Variants in FBN1 observed in about 807,000 individuals in gnomAD.
FBN1 encodes the protein fibrillin-1.
Under a neutral mutation model 365.1 loss-of-function variants are expected in FBN1, and 29 were observed. That is an observed-to-expected ratio of 0.08 (90% CI 0.06 to 0.11). The LOEUF is 0.11. Ranked by LOEUF, FBN1 falls within the 10% of genes least tolerant of loss-of-function variation. The pLI, the probability that FBN1 is intolerant of heterozygous loss-of-function variation, is 1.00. For synonymous variants in FBN1, 1,210 were observed against 1,270.5 expected (o/e 0.95, Z 1.01); for missense variants, 2,476 against 3,703.2 (o/e 0.67, Z 8.60).
intron 2 of FBN1, among the ~76,000 whole-genome samples, chr15:48,636,998 C>A (rs1890106248): frequency 6.6e-6 from 1 of 152,192 alleles, no homozygotes. Flanking sequence ...TTTATTTTCT[C>A]TTTATGGTGC....
intron 60 of FBN1, among the ~76,000 whole-genome samples, chr15:48,423,705 G>A (rs767955375): frequency 7.2e-5 from 11 of 152,194 alleles, no homozygotes; most frequent in Non-Finnish European, 1.5e-4. Context: ...CACTGGGGAT[G>A]TGCTGCTCCC....
intron 2 of FBN1, among the ~76,000 whole-genome samples, chr15:48,628,908 GA>G (rs71853717): frequency 4.0e-5 from 6 of 151,894 alleles, no homozygotes; most frequent in Non-Finnish European, 7.4e-5. Context: ...AAGTCTTCTT[GA>G]AAAAAAAGTT....
intron 41 of FBN1, among the ~76,000 whole-genome samples, chr15:48,463,592 C>T (rs1314780474): frequency 1.3e-5 from 2 of 152,330 alleles, no homozygotes; most frequent in Non-Finnish European, 1.5e-5. Flanking sequence ...TGTTTTAATA[C>T]TGTAGGTCAG....
At chr15:48,479,203 A>C (rs896636751) in intron 32 of FBN1, among the ~76,000 whole-genome samples, 2 of 152,222 alleles carry the variant, frequency 1.3e-5, no homozygotes, top group African/African-American at 4.8e-5. Flanking sequence ...AAGCAGCTAA[A>C]AGAGCCTTAG....
chr15:48,640,870 A>T (rs1890185515), intron 2 of FBN1: 3 of 152,124 alleles, frequency 2.0e-5, no homozygotes, highest in Admixed American at 1.3e-4. Flanking sequence ...ATGGTGCATA[A>T]CTATTGCTAT....
intron 24 of FBN1, 88 bp from the exon 25 acceptor site, chr15:48,490,166 A>G (rs1275315431): frequency 1.8e-6 from 2 of 1,095,534 alleles, no homozygotes; most frequent in Non-Finnish European, 2.8e-6. Flanking sequence ...AAAATACTGC[A>G]CACATAATAA....
intron 62 of FBN1, 114 bp downstream of exon 62, chr15:48,421,444 C>T: frequency 7.7e-7 from 1 of 1,300,508 alleles, no homozygotes; most frequent in Non-Finnish European, 1.1e-6. Context: ...GCTGAGTGCC[C>T]CCCTGGGCTC....
At chr15:48,470,112 T>C (rs1044371624) in intron 36 of FBN1, among the ~76,000 whole-genome samples, 5 of 152,080 alleles carry the variant, frequency 3.3e-5, no homozygotes, top group African/African-American at 1.2e-4. Flanking sequence ...CTGTAGTTTT[T>C]CTAAGCTTTT....
chr15:48,526,008 A>T (rs1160958591), intron 9 of FBN1, 122 bp downstream of exon 9: 1 of 1,371,964 alleles, frequency 7.3e-7, no homozygotes, highest in Non-Finnish European at 1.0e-6. Flanking sequence ...ACATTTTTCC[A>T]AAAATGTACA....
intron 4 of FBN1, among the ~76,000 whole-genome samples, chr15:48,608,411 G>T (rs2044630389): frequency 6.6e-6 from 1 of 152,162 alleles, no homozygotes; most frequent in Admixed American, 6.5e-5. Flanking sequence ...TAGCAGGAAA[G>T]TTAGCAAAGT....
At chr15:48,628,011 G>A (rs934790251) in intron 2 of FBN1, among the ~76,000 whole-genome samples, 3 of 152,138 alleles carry the variant, frequency 2.0e-5, no homozygotes, top group Non-Finnish European at 4.4e-5. Context: ...ACCCACTGAC[G>A]AAAAAGCAGT....
At chr15:48,446,608 A>G (rs1223887624) in intron 47 of FBN1, 98 bp downstream of exon 47, 1 of 806,466 alleles carries the variant, frequency 1.2e-6, no homozygotes, top group Non-Finnish European at 2.2e-6. Context: ...GATAGCATAC[A>G]TTTTTAAAAG....
intron 9 of FBN1, among the ~76,000 whole-genome samples, chr15:48,522,703 G>A (rs2043869588): frequency 6.6e-6 from 1 of 152,046 alleles, no homozygotes; most frequent in South Asian, 2.1e-4. Context: ...TAAAAACAAG[G>A]CTAATTTAGA....
At chr15:48,592,692 G>T (rs1239341014) in intron 6 of FBN1, among the ~76,000 whole-genome samples, 1 of 152,096 alleles carries the variant, frequency 6.6e-6, no homozygotes, top group East Asian at 1.9e-4. Flanking sequence ...GAAACTTGTG[G>T]TTAAAAAAAA....
At chr15:48,454,640 GTTGGCCC>G (rs1345970864) in intron 44 of FBN1, among the ~76,000 whole-genome samples, 1 of 152,208 alleles carries the variant, frequency 6.6e-6, no homozygotes, top group African/African-American at 2.4e-5. Context: ...ACAGGTGAAG[GTTGGCCC>G]TTAGTACCAG....
chr15:48,578,893 T>C (rs939428496), intron 6 of FBN1, among the ~76,000 whole-genome samples: 2 of 141,528 alleles, frequency 1.4e-5, no homozygotes, highest in Non-Finnish European at 1.5e-5. Flanking sequence ...CATTGGGAGA[T>C]ATACCTAATG....
At chr15:48,468,333 T>G in intron 37 of FBN1, 79 bp downstream of exon 37, 1 of 1,569,112 alleles carries the variant, frequency 6.4e-7, no homozygotes, top group Non-Finnish European at 8.8e-7. Flanking sequence ...TTTGCAAACT[T>G]TGAGAATGGA....
intron 6 of FBN1, among the ~76,000 whole-genome samples, chr15:48,581,062 A>G (rs1452471091): frequency 6.6e-6 from 1 of 152,114 alleles, no homozygotes; most frequent in Admixed American, 6.6e-5. Context: ...CATGCACTAC[A>G]CCATCAACCC....
intron 17 of FBN1, among the ~76,000 whole-genome samples, chr15:48,502,531 C>A (rs879781001): frequency 3.3e-5 from 5 of 152,160 alleles, no homozygotes; most frequent in Non-Finnish European, 7.4e-5. Flanking sequence ...GTAAAAACAA[C>A]CAACCAGAGC....
Sources: allele counts gnomAD v4.1 joint callset (sites outside exome capture counted in the v4.1 genomes callset), GRCh38; gene constraint gnomAD v4.1.1; transcripts MANE v1.5; gene names NCBI Gene and HGNC (gene_info 2026-07-23, HGNC 2026-07-21).